LRP1B: variants seen among roughly 807,000 people sequenced by gnomAD.
LRP1B encodes LDL receptor related protein 1B.
LRP1B carries 217 observed loss-of-function variants against 556.6 expected under a neutral mutation model. The observed-to-expected ratio is 0.39, with a 90% CI of 0.35 to 0.44. The LOEUF is 0.44. Among genes scored for constraint, LRP1B ranks in the 20% least tolerant of loss-of-function variants. The probability of loss-of-function intolerance (pLI) is 1.00; values close to 1 mark genes in which losing one functional copy is unlikely to be tolerated. For missense variants in LRP1B, 5,053 were observed against 5,620.8 expected (o/e 0.90, Z 3.23); for synonymous variants, 2,047 against 1,865.8 (o/e 1.10, Z -2.50).
chr2:140,443,697 T>C (rs1014073983), intron 65 of LRP1B, among the ~76,000 whole-genome samples: 1 of 152,228 alleles, frequency 6.6e-6, no homozygotes, highest in African/African-American at 2.4e-5. Flanking sequence ...CATATATATA[T>C]GTATATGGTA....
At chr2:140,663,544 A>C (rs77473858) in intron 41 of LRP1B, among the ~76,000 whole-genome samples, 29 of 152,162 alleles carry the variant, frequency 1.9e-4, no homozygotes, top group Admixed American at 1.4e-3. Flanking sequence ...CTCAAACTTA[A>C]CTTTTGCAGC....
At chr2:140,517,201 G>C (rs1390566444) in intron 49 of LRP1B, among the ~76,000 whole-genome samples, 190 bp from the exon 50 acceptor site, 1 of 152,118 alleles carries the variant, frequency 6.6e-6, no homozygotes, top group Admixed American at 6.6e-5. Flanking sequence ...CCAGAACAGA[G>C]ACCCATGAGA....
At chr2:141,084,382 A>T (rs1430162671) in intron 7 of LRP1B, among the ~76,000 whole-genome samples, 1 of 152,224 alleles carries the variant, frequency 6.6e-6, no homozygotes, top group Non-Finnish European at 1.5e-5. Context: ...AGAACAAGCA[A>T]AAATGTTAAG....
At chr2:140,639,887 C>G in intron 41 of LRP1B, among the ~76,000 whole-genome samples, 1 of 152,168 alleles carries the variant, frequency 6.6e-6, no homozygotes, top group Non-Finnish European at 1.5e-5. Context: ...TTCCTTGATT[C>G]AACAAGTGTG....
intron 7 of LRP1B, among the ~76,000 whole-genome samples, chr2:141,105,617 G>A (rs980132053): frequency 1.3e-5 from 2 of 151,946 alleles, no homozygotes; most frequent in African/African-American, 4.8e-5. Context: ...TTCAATAATA[G>A]TAAACAGAAT....
At chr2:140,719,685 T>C (rs1412337187) in intron 35 of LRP1B, among the ~76,000 whole-genome samples, 1 of 152,016 alleles carries the variant, frequency 6.6e-6, no homozygotes, top group Non-Finnish European at 1.5e-5. Context: ...TGAAGCTATC[T>C]CTAAATGGTC....
At chr2:140,653,630 T>C (rs1684766408) in intron 41 of LRP1B, among the ~76,000 whole-genome samples, 1 of 152,132 alleles carries the variant, frequency 6.6e-6, no homozygotes, top group African/African-American at 2.4e-5. Context: ...AAGCCTAAGA[T>C]AATATATGTG....
intron 43 of LRP1B, among the ~76,000 whole-genome samples, chr2:140,572,839 A>AAATAAAAT (rs1681378247): frequency 6.6e-6 from 1 of 151,644 alleles, no homozygotes; most frequent in Non-Finnish European, 1.5e-5. Flanking sequence ...AAATAAAATA[A>AAATAAAAT]AACACTATCA....
rs760883673 is a variant in LRP1B, at chr2:140,495,675, C to T, written c.8924G>A (p.Gly2975Asp). 9 of 1,613,940 alleles carry T rather than the reference C, an allele frequency of 5.6e-6. No homozygotes were observed. The highest frequency in any genetic ancestry group is 1.1e-5 in the South Asian group (1 of 91,082). ...TCVDIDECSSGFPCSQQCINT... is the reference protein window; with the variant it reads ...TCVDIDECSSDFPCSQQCINT... ...GATGCATTGCTGGCTACAGGGAAAG[C>T]CTGAAGAGCATTCATCAATGTCTAC... The change falls in exon 56 of 91, where the codon GGC becomes GAC. Residue 2975 changes from glycine (G) to aspartate (D), a missense_variant. Physicochemically the swap from Gly to Asp is moderately conservative, Grantham distance 94 (BLOSUM62 -1). Transcript: ENST00000389484.
At chr2:142,014,035 T>A (rs1485338337) in intron 1 of LRP1B, among the ~76,000 whole-genome samples, 1 of 152,094 alleles carries the variant, frequency 6.6e-6, no homozygotes, top group Non-Finnish European at 1.5e-5. Context: ...ATTAAGAAAA[T>A]TAATCCTTTA....
Position 142,036,840 on chromosome 2 carries a change from G to A in LRP1B, c.82+93808C>T, listed in dbSNP as rs568290391. On this transcript the variant is annotated intron_variant, in intron 1 of 90. Coordinates refer to ENST00000389484, the MANE Select transcript of LRP1B (RefSeq NM_018557.3). ...TTCACTAATTATTACAAAGCATCAC[G>A]TTTTCCTAATAAAAGGCAAAAATAA... is the stretch of plus-strand genomic sequence containing the variant. Among the ~76,000 whole-genome samples the A allele has an allele frequency of 4.6e-5, 7 of 151,678 alleles. No homozygotes were observed. The East Asian group carries it at 1.2e-3, about 25-fold the overall frequency.
chr2:140,779,394 T>C (rs1052983710), intron 32 of LRP1B, among the ~76,000 whole-genome samples: 5 of 152,078 alleles, frequency 3.3e-5, no homozygotes, highest in African/African-American at 7.2e-5. Context: ...TAGTAAACTA[T>C]GAATTAAGTG....
chr2:141,572,227 G>T (rs1002394434), intron 2 of LRP1B, among the ~76,000 whole-genome samples: 3 of 152,116 alleles, frequency 2.0e-5, no homozygotes, highest in Admixed American at 1.3e-4. Flanking sequence ...ACTAACAGTG[G>T]ACCTATCAGC....
At chr2:141,584,874 G>A (rs1559157259) in intron 2 of LRP1B, among the ~76,000 whole-genome samples, 1 of 152,140 alleles carries the variant, frequency 6.6e-6, no homozygotes, top group Non-Finnish European at 1.5e-5. Flanking sequence ...TAGAATGGTG[G>A]TTGCCAGGGG....
chr2:140,824,116 G>C (rs548830079), intron 31 of LRP1B, among the ~76,000 whole-genome samples: 1 of 92,586 alleles, frequency 1.1e-5, no homozygotes, highest in East Asian at 3.3e-4. Flanking sequence ...ATAGCAAAAG[G>C]AATTTAAAAA....
At chr2:141,855,748 A>T (rs1403997125) in intron 1 of LRP1B, among the ~76,000 whole-genome samples, 1 of 152,106 alleles carries the variant, frequency 6.6e-6, no homozygotes, top group Non-Finnish European at 1.5e-5. Context: ...CTCCTCCCTT[A>T]CGCCACATCC....
chr2:141,198,162 G>T (rs529663830), intron 6 of LRP1B, among the ~76,000 whole-genome samples: 22 of 152,164 alleles, frequency 1.4e-4, no homozygotes, highest in African/African-American at 5.1e-4. Flanking sequence ...TGATATAATT[G>T]CATTTATTTT....
chr2:141,337,209 T>C (rs1687878160), intron 3 of LRP1B, among the ~76,000 whole-genome samples: 1 of 152,190 alleles, frequency 6.6e-6, no homozygotes, highest in Non-Finnish European at 1.5e-5. Flanking sequence ...TTTGATGTTA[T>C]CAGATATTTT....
chr2:140,965,358 CT>C (rs11289918), intron 18 of LRP1B, among the ~76,000 whole-genome samples: 55,424 of 148,344 alleles, frequency 0.37, 10,447 homozygotes, highest in East Asian at 0.52. Context: ...GTTAAAATAC[CT>C]TTTTTTTTTT....
Sources: allele counts gnomAD v4.1 joint callset (sites outside exome capture counted in the v4.1 genomes callset), GRCh38; gene constraint gnomAD v4.1.1; transcripts MANE v1.5; gene names NCBI Gene and HGNC (gene_info 2026-07-23, HGNC 2026-07-21).